SEPTIN10: variants seen among roughly 807,000 people sequenced by gnomAD.
SEPTIN10 encodes septin-10.
A neutral mutation model predicts 54.8 loss-of-function variants in SEPTIN10; 66 were observed. The ratio of observed to expected loss-of-function variants is 1.21; its 90% CI spans 0.99 to 1.48. The LOEUF (loss-of-function observed/expected upper bound fraction) is 1.48, where lower values mean the gene tolerates loss of function less well. Among genes scored for constraint, SEPTIN10 ranks in the 40% most tolerant of loss-of-function variants. The pLI, the probability that SEPTIN10 is intolerant of heterozygous loss-of-function variation, is 0.00. For synonymous variants in SEPTIN10, 161 were observed against 181.0 expected (o/e 0.89, Z 0.89); for missense variants, 620 against 545.6 (o/e 1.14, Z -1.36).
chr2:109,600,076 G>A (rs536921878), intron 1 of SEPTIN10, among the ~76,000 whole-genome samples: 6 of 152,264 alleles, frequency 3.9e-5, no homozygotes, highest in Admixed American at 6.5e-5. Context: ...ATAGACCCAA[G>A]ACCACTTTCT....
At chr2:109,560,014 A>G (rs148089513) in intron 8 of SEPTIN10, among the ~76,000 whole-genome samples, 6,721 of 144,714 alleles carry the variant, frequency 0.046, 456 homozygotes, top group African/African-American at 0.16. Context: ...TCTGCCTCCT[A>G]GGTTCACGCC....
intron 1 of SEPTIN10, among the ~76,000 whole-genome samples, chr2:109,600,009 A>G (rs1696267408): frequency 6.6e-6 from 1 of 152,142 alleles, no homozygotes; most frequent in Admixed American, 6.5e-5. Flanking sequence ...TGTGGCCTAC[A>G]AAGATTGCAG....
At chr2:109,549,070 G>T (rs1206787736) in intron 9 of SEPTIN10, among the ~76,000 whole-genome samples, 2 of 152,142 alleles carry the variant, frequency 1.3e-5, no homozygotes, top group Non-Finnish European at 2.9e-5. Flanking sequence ...TTATTTAAAT[G>T]GTTCCTGCTT....
intron 9 of SEPTIN10, among the ~76,000 whole-genome samples, chr2:109,547,407 G>A (rs1222490014): frequency 6.7e-6 from 1 of 148,836 alleles, no homozygotes; most frequent in Admixed American, 6.8e-5. Flanking sequence ...GAAAATAAGG[G>A]GTCATTCCAA....
chr2:109,546,263 T>C (rs748600229), intron 9 of SEPTIN10, 26 bp from the exon 10 acceptor site: 1 of 1,470,592 alleles, frequency 6.8e-7, no homozygotes, highest in South Asian at 1.4e-5. Flanking sequence ...CAATCCCCAC[T>C]ACTGACACAG....
At chr2:109,559,412 C>T (rs1312254914) in intron 8 of SEPTIN10, among the ~76,000 whole-genome samples, 1 of 152,158 alleles carries the variant, frequency 6.6e-6, no homozygotes, top group Non-Finnish European at 1.5e-5. Flanking sequence ...CTGACCTAAA[C>T]TTACTGAGTT....
rs1215785542 is a variant in SEPTIN10 at position 109,543,228 on chromosome 2, G to A, written c.*1081C>T. On this transcript the variant is annotated 3_prime_UTR_variant, in exon 11 of 11. Transcript: ENST00000397712. ...TCTTAAAAAGTATTTTTAATAAAAT[G>A]ATTCAACCTTATTATTTTTACCCTG... The A allele has an allele frequency of 6.6e-6, 1 of 152,494 alleles. No individual in the cohort carries two copies. Among genetic ancestry groups the A allele is most frequent in the Non-Finnish European group, 1.5e-5 (1 of 68,000 alleles). 9.4% of individuals were successfully genotyped at this position (152,494 alleles called of 1,614,324 possible).
chr2:109,610,150 G>A (rs377353758), intron 1 of SEPTIN10, among the ~76,000 whole-genome samples: 18 of 151,320 alleles, frequency 1.2e-4, no homozygotes, highest in African/African-American at 4.4e-4. Flanking sequence ...GTGCAGTGGC[G>A]CGATCTCAGC....
At chr2:109,586,251 A>G (rs1692507372) in intron 2 of SEPTIN10, among the ~76,000 whole-genome samples, 1 of 152,230 alleles carries the variant, frequency 6.6e-6, no homozygotes. Context: ...AGCTCCTGGT[A>G]ATGGCAGAGT....
rs538236627 is a variant in SEPTIN10 at position 109,601,651 on chromosome 2, T to C, written c.31-8532A>G. Among the ~76,000 whole-genome samples, 6 of 152,322 alleles carry C rather than the reference T, an allele frequency of 3.9e-5. 1 individual carries two copies. The highest frequency in any genetic ancestry group is 1.4e-4 in the African/African-American group (6 of 41,576). ...TTGTCATGTGTATCATAAATATCTTTTCCTGATTTATTACTGACCCTTCCA... is the reference window on the plus strand; with the variant it reads ...TTGTCATGTGTATCATAAATATCTTCTCCTGATTTATTACTGACCCTTCCA... On this transcript the variant is annotated intron_variant, in intron 1 of 10. Coordinates refer to ENST00000397712, the MANE Select transcript of SEPTIN10 (RefSeq NM_144710.5).
intron 1 of SEPTIN10, chr2:109,613,126 A>G (rs1244675536): frequency 2.4e-6 from 3 of 1,268,386 alleles, no homozygotes; most frequent in African/African-American, 3.1e-5. Context: ...TAGCCTTTGG[A>G]AAACTCGATG....
chr2:109,571,019 T>C (rs898419760), intron 5 of SEPTIN10, among the ~76,000 whole-genome samples: 10 of 151,966 alleles, frequency 6.6e-5, no homozygotes, highest in African/African-American at 2.4e-4. Flanking sequence ...GGGGACAGAG[T>C]TGTCCCTTGC....
At chr2:109,549,214 G>C (rs995287118) in intron 9 of SEPTIN10, among the ~76,000 whole-genome samples, 3 of 152,218 alleles carry the variant, frequency 2.0e-5, no homozygotes, top group Non-Finnish European at 2.9e-5. Flanking sequence ...GAGAGGAGCA[G>C]GAGTGGGACA....
Position 109,585,755 on chromosome 2 carries a change from A to AATGG in SEPTIN10, c.179_182dup (p.Gln62HisfsTer8). The AATGG allele has an allele frequency of 1.2e-6, 2 of 1,613,812 alleles. No individual in the cohort carries two copies. Among genetic ancestry groups the AATGG allele is most frequent in the Non-Finnish European group, 1.7e-6 (2 of 1,179,892 alleles). On this transcript the variant is annotated frameshift_variant, in exon 3 of 11. Transcript: ENST00000397712. LOFTEE classifies it high-confidence loss of function. ...GAATATTAAAGCAGAAACCTTGCTG[A>AATGG]ATGGATCTGTTCACCAGCTGATCAG...
chr2:109,558,949 G>A (rs527384549), intron 8 of SEPTIN10, among the ~76,000 whole-genome samples: 13 of 151,690 alleles, frequency 8.6e-5, no homozygotes, highest in Admixed American at 2.0e-4. Context: ...GCAGTGGTGC[G>A]ATCTCAGCTC....
chr2:109,604,339 T>C (rs573391438), intron 1 of SEPTIN10, among the ~76,000 whole-genome samples: 6 of 78,970 alleles, frequency 7.6e-5, no homozygotes, highest in South Asian at 5.5e-4. Flanking sequence ...CGGGACCCCA[T>C]AGAAAGAAAG....
chr2:109,581,162 G>A (rs370758315), intron 4 of SEPTIN10, among the ~76,000 whole-genome samples: 25 of 152,284 alleles, frequency 1.6e-4, no homozygotes, highest in African/African-American at 4.3e-4. Flanking sequence ...AAGTTAGGCC[G>A]GGAGAGGTGG....
chr2:109,551,456 T>G (rs1450168659), intron 9 of SEPTIN10, among the ~76,000 whole-genome samples: 2 of 152,222 alleles, frequency 1.3e-5, no homozygotes, highest in African/African-American at 4.8e-5. Context: ...AATCTGTGAT[T>G]GCATCCTGGT....
At position 109,546,236 on chromosome 2, in the gene SEPTIN10, A is replaced by G; in HGVS notation, c.1163T>C (p.Leu388Pro). The change falls in exon 10 of 11, where the codon CTA (leucine) becomes CCA (proline). Residue 388 changes from leucine (L) to proline (P), a missense_variant and splice_region_variant. By Grantham distance (98) the Leu-to-Pro change is moderately conservative (BLOSUM62 -3). Coordinates refer to ENST00000397712, the MANE Select transcript of SEPTIN10 (RefSeq NM_144710.5). ...EAILKEAERE[L>P]QAKFEHLKRL... ...CTTAAGGTGCTCAAATTTGGCCTGT[A>G]GCTGGAAACAAAAGTGCAATCCCCA... The G allele has an allele frequency of 1.3e-6, 2 of 1,541,108 alleles. No individual in the cohort carries two copies. Among genetic ancestry groups the G allele is most frequent in the Middle Eastern group, 3.5e-4 (2 of 5,690 alleles).
Sources: gnomAD v4.1 joint callset for allele counts (sites outside exome capture counted in the v4.1 genomes callset) on GRCh38, gnomAD v4.1.1 for gene constraint, MANE v1.5 for transcripts, NCBI Gene and HGNC (gene_info 2026-07-23, HGNC 2026-07-21) for gene names.